Variants in CALN1 observed in about 807,000 individuals in gnomAD.
The protein encoded by CALN1 is calcium-binding protein 8.
Under a neutral mutation model 30.6 loss-of-function variants are expected in CALN1, and 17 were observed. The observed-to-expected ratio is 0.56, with a 90% confidence interval of 0.38 to 0.83. The LOEUF is 0.83. Among genes scored for constraint, CALN1 ranks in the 40% least tolerant of loss-of-function variants. The pLI, the probability that CALN1 is intolerant of heterozygous loss-of-function variation, is 0.00. For missense variants in CALN1, 291 were observed against 354.9 expected (o/e 0.82, Z 1.45); for synonymous variants, 156 against 131.4 (o/e 1.19, Z -1.28).
chr7:72,363,590 T>C (rs1323504770), intron 2 of CALN1, among the ~76,000 whole-genome samples: 1 of 151,972 alleles, frequency 6.6e-6, no homozygotes, highest in African/African-American at 2.4e-5. Flanking sequence ...CAGAAAAAAG[T>C]ATCAGTCTAG....
At chr7:72,424,127 A>C (rs2129563763) in intron 1 of CALN1, among the ~76,000 whole-genome samples, 1 of 152,252 alleles carries the variant, frequency 6.6e-6, no homozygotes, top group African/African-American at 2.4e-5. Flanking sequence ...CCTTAGCAGG[A>C]GCCAGAGAGC....
intron 6 of CALN1, 27 bp downstream of exon 6, chr7:71,810,309 G>T (rs1448213691): frequency 6.2e-7 from 1 of 1,610,430 alleles, no homozygotes; most frequent in Non-Finnish European, 8.5e-7. Flanking sequence ...CCCGGACCGG[G>T]GAGGGGATGG....
chr7:71,911,308 T>C (rs1014986128), intron 5 of CALN1, among the ~76,000 whole-genome samples: 3 of 152,194 alleles, frequency 2.0e-5, no homozygotes, highest in African/African-American at 7.2e-5. Flanking sequence ...ATTTCAAATG[T>C]GTAGAGATCT....
intron 4 of CALN1, among the ~76,000 whole-genome samples, chr7:72,030,976 T>C (rs1801402062): frequency 6.6e-6 from 1 of 152,162 alleles, no homozygotes; most frequent in Admixed American, 6.6e-5. Flanking sequence ...TCAAGCAATC[T>C]ACCTGCCACC....
the CALN1 span, among the ~76,000 whole-genome samples, chr7:72,458,741 T>A: frequency 9.4e-6 from 1 of 106,098 alleles, no homozygotes; most frequent in African/African-American, 3.8e-5. Flanking sequence ...CTATATTATA[T>A]AATATATTTT....
intron 4 of CALN1, among the ~76,000 whole-genome samples, chr7:72,039,016 C>A (rs1170417823): frequency 6.6e-6 from 1 of 152,180 alleles, no homozygotes; most frequent in Non-Finnish European, 1.5e-5. Context: ...TAAGTGAGAT[C>A]CAAGAACCAT....
At chr7:72,208,542 A>G (rs531032316) in intron 3 of CALN1, among the ~76,000 whole-genome samples, 21 of 152,370 alleles carry the variant, frequency 1.4e-4, no homozygotes, top group Admixed American at 1.4e-3. Flanking sequence ...AACACTTCAT[A>G]GGCAGAGAAA....
chr7:72,066,845 G>A (rs1167197530), intron 4 of CALN1, among the ~76,000 whole-genome samples: 1 of 151,250 alleles, frequency 6.6e-6, no homozygotes, highest in South Asian at 2.1e-4. Flanking sequence ...ACAGTGGCAC[G>A]ACCTTGGCTC....
chr7:72,071,531 G>A (rs1251086928), intron 4 of CALN1, among the ~76,000 whole-genome samples: 1 of 152,082 alleles, frequency 6.6e-6, no homozygotes, highest in Non-Finnish European at 1.5e-5. Context: ...CCATGAAAAG[G>A]TGCAGGCTCA....
At chr7:72,487,717 G>GA in the CALN1 span, among the ~76,000 whole-genome samples, 71 of 64,308 alleles carry the variant, frequency 1.1e-3, no homozygotes, top group African/African-American at 2.1e-3. Context: ...GAAAAGAAAA[G>GA]AAAGAAAGAA....
intron 5 of CALN1, among the ~76,000 whole-genome samples, chr7:71,927,302 T>C (rs1431236517): frequency 1.3e-5 from 2 of 152,148 alleles, no homozygotes; most frequent in East Asian, 3.9e-4. Flanking sequence ...CTCTGCCTCC[T>C]GGACTCAAGT....
intron 3 of CALN1, among the ~76,000 whole-genome samples, chr7:72,198,109 T>C (rs1791160925): frequency 6.6e-6 from 1 of 152,192 alleles, no homozygotes; most frequent in African/African-American, 2.4e-5. Context: ...CTTAAATTAT[T>C]TTAAAAACAG....
At chr7:72,439,871 C>G (rs540943453) in intron 1 of CALN1, among the ~76,000 whole-genome samples, 1 of 152,066 alleles carries the variant, frequency 6.6e-6, no homozygotes, top group Non-Finnish European at 1.5e-5. Context: ...GCCACTGTGC[C>G]GGGCCTCTCC....
chr7:71,925,988 G>A (rs1795250688), intron 5 of CALN1, among the ~76,000 whole-genome samples: 1 of 152,086 alleles, frequency 6.6e-6, no homozygotes, highest in Admixed American at 6.5e-5. Flanking sequence ...CGAGTAGCTG[G>A]GAGTACAGGC....
rs2063731607 is a variant in CALN1, at chr7:72,272,407, C to CA, written c.244+6278dup. Among the ~76,000 whole-genome samples the CA allele has an allele frequency of 2.0e-5, 3 of 152,006 alleles. No individual in the cohort carries two copies. In the South Asian group the frequency reaches 6.2e-4, roughly 32 times the overall value. On this transcript the variant is annotated intron_variant, in intron 3 of 6. Coordinates refer to ENST00000395275, the MANE Select transcript of CALN1 (RefSeq NM_031468.4). ...CAAAAACCCATCTCTACCAAAAATA[C>CA]AAAAATTAGCTGGGTGTGGTGGTGC...
At chr7:72,153,689 T>TAAAAAGA (rs140757860) in intron 3 of CALN1, among the ~76,000 whole-genome samples, 7 of 151,394 alleles carry the variant, frequency 4.6e-5, no homozygotes, top group African/African-American at 1.7e-4. Flanking sequence ...TCTAAAAAAA[T>TAAAAAGA]AAAAAGAAAA....
At chr7:72,332,540 C>T (rs1311072469) in intron 2 of CALN1, among the ~76,000 whole-genome samples, 1 of 151,858 alleles carries the variant, frequency 6.6e-6, no homozygotes, top group Admixed American at 6.6e-5. Context: ...GTCCCACCTC[C>T]TACCTCAATA....
chr7:71,857,559 G>A (rs115445450), intron 5 of CALN1, among the ~76,000 whole-genome samples: 16 of 152,112 alleles, frequency 1.1e-4, no homozygotes, highest in African/African-American at 3.9e-4. Context: ...CCTGTCTCCA[G>A]ACAACTGGCT....
intron 3 of CALN1, among the ~76,000 whole-genome samples, chr7:72,246,044 T>A (rs565615897): frequency 1.3e-5 from 2 of 152,320 alleles, no homozygotes; most frequent in African/African-American, 4.8e-5. Flanking sequence ...CCTATGGGAT[T>A]CCCTCTCTCT....
Sources: gnomAD v4.1 joint callset for allele counts (sites outside exome capture counted in the v4.1 genomes callset) on GRCh38, gnomAD v4.1.1 for gene constraint, MANE v1.5 for transcripts, NCBI Gene and HGNC (gene_info 2026-07-23, HGNC 2026-07-21) for gene names.